COL4A6: variants seen among roughly 807,000 people sequenced by gnomAD.
The protein encoded by COL4A6 is collagen alpha-6(IV) chain.
Under a neutral mutation model 126.7 loss-of-function variants are expected in COL4A6, and 59 were observed. The ratio of observed to expected loss-of-function variants is 0.47; its 90% CI spans 0.38 to 0.58. COL4A6 has a LOEUF of 0.58. Among genes scored for constraint, COL4A6 ranks in the 20% least tolerant of loss-of-function variants. The pLI is 0.00. For synonymous variants in COL4A6, 547 were observed against 496.6 expected (o/e 1.10, Z -1.35); for missense variants, 1,285 against 1,337.3 (o/e 0.96, Z 0.61).
At chrX:108,314,514 T>C (rs2038837152) in intron 2 of COL4A6, among the ~76,000 whole-genome samples, 1 of 112,188 alleles carries the variant, frequency 8.9e-6, no homozygotes, top group Admixed American at 9.4e-5. Context: ...GTCTTTGCAA[T>C]GTTCCTAAGG....
chrX:108,412,142 G>A (rs1256875834), intron 2 of COL4A6, among the ~76,000 whole-genome samples: 3 of 111,618 alleles, frequency 2.7e-5, no homozygotes, highest in African/African-American at 9.8e-5. Flanking sequence ...AATGTGTTCT[G>A]GGACCCATCC....
rs1335037833 is a variant in COL4A6, at chrX:108,293,218, CAACTTTCCAGTTATGTG to C, written c.144+17513_144+17529del. The stretch of plus-strand genomic sequence containing the variant: ...GATATGGGATTGAATCTCAGCTTCA[CAACTTTCCAGTTATGTG>C]ACCTTTGATTTCCTTTATTTTTAAA... On this transcript the variant is annotated intron_variant, in intron 3 of 44. Coordinates refer to ENST00000334504, the MANE Select transcript of COL4A6 (RefSeq NM_033641.4). Among the ~76,000 whole-genome samples the C allele has an allele frequency of 6.3e-5, 7 of 110,898 alleles. No homozygotes were observed. The South Asian group carries it at 2.3e-3, about 37-fold the overall frequency.
intron 2 of COL4A6, among the ~76,000 whole-genome samples, chrX:108,381,052 T>C (rs948970498): frequency 3.6e-5 from 4 of 112,177 alleles, no homozygotes; most frequent in Non-Finnish European, 3.8e-5. Context: ...CCATCTTCTA[T>C]AAAAATTCCC....
chrX:108,437,984 C>A lies in COL4A6; in HGVS notation c.21G>T (p.Leu7=), dbSNP rs761170979. ...CGGTCAGGCACAACGTAACCAGGAG[C>A]AGCCACAACCTGAAATGGGAGGGAG... MHPGLW[L]LLVTLCLTEE... Residue 7 remains leucine (L), a synonymous_variant, in exon 2 of 45, where the codon CTG becomes CTT. Coordinates refer to ENST00000334504, the MANE Select transcript of COL4A6 (RefSeq NM_033641.4). 8.3e-7 allele frequency: 1 copy of A among 1,210,991 alleles called. No individual in the cohort carries two copies. Among genetic ancestry groups the A allele is most frequent in the Non-Finnish European group, 1.1e-6 (1 of 895,165 alleles).
At chrX:108,193,412 G>A (rs758904036) in intron 17 of COL4A6, among the ~76,000 whole-genome samples, 1 of 111,310 alleles carries the variant, frequency 9.0e-6, no homozygotes, top group South Asian at 3.9e-4. Flanking sequence ...TAGGCTTAGT[G>A]GACTGAACAC....
chrX:108,416,859 G>A (rs2041445408), intron 2 of COL4A6, among the ~76,000 whole-genome samples: 1 of 111,498 alleles, frequency 9.0e-6, no homozygotes, highest in Non-Finnish European at 1.9e-5. Flanking sequence ...CCTATTAACT[G>A]GTAAACAAAG....
intron 3 of COL4A6, among the ~76,000 whole-genome samples, chrX:108,289,401 G>A (rs2038100038): frequency 9.1e-6 from 1 of 110,376 alleles, no homozygotes; most frequent in Non-Finnish European, 1.9e-5. Context: ...GAGCAAGTGT[G>A]GAAAAATATT....
rs748169242 is a variant in COL4A6, at chrX:108,425,905, G to A, written c.63+12037C>T. Among the ~76,000 whole-genome samples the A allele has an allele frequency of 2.7e-5, 3 of 110,906 alleles. No homozygotes were observed. In the South Asian group the frequency reaches 1.2e-3, roughly 43 times the overall value. On this transcript the variant is annotated intron_variant, in intron 2 of 44. Coordinates refer to ENST00000334504, the MANE Select transcript of COL4A6 (RefSeq NM_033641.4). ...GGAGGGCATATGAGATTTAGTTTGG[G>A]GGAAAAGGGGTCTACTGTCGTAAAT...
chrX:108,364,389 T>C (rs2040152514), intron 2 of COL4A6, among the ~76,000 whole-genome samples: 2 of 110,778 alleles, frequency 1.8e-5, no homozygotes, highest in Non-Finnish European at 3.8e-5. Context: ...AAGTGTTACA[T>C]AGGACATGTT....
At chrX:108,163,141 C>T (rs946099336) in intron 40 of COL4A6, 103 bp from the exon 41 acceptor site, 1 of 711,066 alleles carries the variant, frequency 1.4e-6, no homozygotes, top group Non-Finnish European at 2.1e-6. Flanking sequence ...AGCTTTCTAT[C>T]CTGTTTGTCC....
chrX:108,277,297 T>C (rs1231571767), intron 3 of COL4A6, among the ~76,000 whole-genome samples: 1 of 111,878 alleles, frequency 8.9e-6, no homozygotes, highest in African/African-American at 3.3e-5. Context: ...AATACTGCGC[T>C]TTTCCGGTGG....
chrX:108,343,264 A>G (rs888154405), intron 2 of COL4A6, among the ~76,000 whole-genome samples: 1 of 103,114 alleles, frequency 9.7e-6, no homozygotes, highest in Non-Finnish European at 2.0e-5. Flanking sequence ...AATTTAACAA[A>G]CACCTGCTAT....
At chrX:108,265,390 G>GTTTT (rs5903315) in intron 3 of COL4A6, among the ~76,000 whole-genome samples, 1 of 103,889 alleles carries the variant, frequency 9.6e-6, no homozygotes, top group African/African-American at 3.5e-5. Flanking sequence ...CACCTATTCA[G>GTTTT]TTTTTTTTTT....
rs938996516 is a variant in COL4A6 at position 108,438,397 on chromosome X, G to C, written c.-201C>G. ...AAGGGAAACAGGCTCAGCGGTGCCC[G>C]TTACAACTTGCAGCACTCAGGAGAT... On this transcript the variant is annotated 5_prime_UTR_variant, in exon 1 of 45. Coordinates refer to ENST00000334504, the MANE Select transcript of COL4A6 (RefSeq NM_033641.4). The C allele has an allele frequency of 3.2e-5, 33 of 1,046,065 alleles. No individual in the cohort carries two copies. The highest frequency in any genetic ancestry group is 3.9e-5 in the African/African-American group (2 of 51,615). The allele number at this position is 1,046,065 out of a possible 1,213,427, so 86.2% of individuals were successfully genotyped here.
intron 27 of COL4A6, 68 bp downstream of exon 27, chrX:108,178,616 C>G (rs1381307578): frequency 1.8e-5 from 20 of 1,103,424 alleles, no homozygotes; most frequent in Non-Finnish European, 2.4e-5. Flanking sequence ...TATTGCCCCC[C>G]CAGGGCATCT....
intron 3 of COL4A6, among the ~76,000 whole-genome samples, chrX:108,308,183 T>C (rs755922513): frequency 8.9e-6 from 1 of 111,787 alleles, no homozygotes; most frequent in Non-Finnish European, 1.9e-5. Context: ...CTCCAGATGT[T>C]TGAAACCTAA....
chrX:108,382,199 A>G (rs1367311436), intron 2 of COL4A6, among the ~76,000 whole-genome samples: 3 of 111,326 alleles, frequency 2.7e-5, no homozygotes, highest in Non-Finnish European at 5.7e-5. Context: ...CAATACAAAT[A>G]TACCATTTTC....
At chrX:108,181,697 C>A (rs996913087) in intron 23 of COL4A6, among the ~76,000 whole-genome samples, 6 of 111,796 alleles carry the variant, frequency 5.4e-5, no homozygotes, top group Admixed American at 3.8e-4. Context: ...GCATGCATAG[C>A]CCTTCCCCTA....
At chrX:108,211,763 T>C (rs750736080) in intron 6 of COL4A6, 23 bp from the exon 7 acceptor site, 10 of 1,162,413 alleles carry the variant, frequency 8.6e-6, no homozygotes, top group Middle Eastern at 2.7e-4. Flanking sequence ...GTTTAAAAAA[T>C]TGAAGAAATA....
Sources: allele counts gnomAD v4.1 joint callset (sites outside exome capture counted in the v4.1 genomes callset), GRCh38; gene constraint gnomAD v4.1.1; transcripts MANE v1.5; gene names NCBI Gene and HGNC (gene_info 2026-07-23, HGNC 2026-07-21).